The following PAPPA2 variants were observed in gnomAD, a reference collection of about 807,000 sequenced individuals.
PAPPA2 encodes the protein pappalysin-2.
Under a neutral mutation model 176.4 loss-of-function variants are expected in PAPPA2, and 86 were observed. That is an observed-to-expected ratio of 0.49 (90% CI 0.41 to 0.58). PAPPA2 has a LOEUF of 0.58. Ranked by LOEUF, PAPPA2 falls within the 20% of genes least tolerant of loss-of-function variation. The pLI, the probability that PAPPA2 is intolerant of heterozygous loss-of-function variation, is 0.00. For synonymous variants in PAPPA2, 809 were observed against 852.2 expected (o/e 0.95, Z 0.88); for missense variants, 2,073 against 2,256.9 (o/e 0.92, Z 1.65).
chr1:176,538,627 TCA>T (rs60974454), intron 1 of PAPPA2, among the ~76,000 whole-genome samples: 16,340 of 152,192 alleles, frequency 0.11, 912 homozygotes, highest in Middle Eastern at 0.18. Context: ...TTTGTTTCTC[TCA>T]GTTTTCTTCA....
intron 1 of PAPPA2, among the ~76,000 whole-genome samples, chr1:176,547,750 A>G (rs1415811278): frequency 1.3e-5 from 2 of 152,198 alleles, no homozygotes; most frequent in East Asian, 3.8e-4. Context: ...AGCAGTATCC[A>G]TCTCTCAGTT....
intron 17 of PAPPA2, among the ~76,000 whole-genome samples, chr1:176,779,539 GA>G (rs1664623220): frequency 6.6e-6 from 1 of 151,726 alleles, no homozygotes; most frequent in Non-Finnish European, 1.5e-5. Flanking sequence ...GAGAGAGAGA[GA>G]GGAGTGTGGC....
At chr1:176,532,549 G>A (rs778330104) in intron 1 of PAPPA2, among the ~76,000 whole-genome samples, 2 of 152,212 alleles carry the variant, frequency 1.3e-5, no homozygotes, top group Admixed American at 6.5e-5. Flanking sequence ...CCTTCTGGCC[G>A]TGGGTAACAA....
chr1:176,755,967 A>G (rs772413034), intron 14 of PAPPA2, among the ~76,000 whole-genome samples: 1 of 152,144 alleles, frequency 6.6e-6, no homozygotes, highest in Non-Finnish European at 1.5e-5. Flanking sequence ...ACAAATTATT[A>G]TTATTATTAT....
intron 1 of PAPPA2, among the ~76,000 whole-genome samples, chr1:176,478,007 A>G (rs899866546): frequency 2.4e-4 from 37 of 152,274 alleles, no homozygotes; most frequent in African/African-American, 8.9e-4. Context: ...TGGAGGTTCA[A>G]TAAGTAGCTG....
chr1:176,797,174 T>A (rs1036227041), intron 20 of PAPPA2, among the ~76,000 whole-genome samples: 1 of 152,130 alleles, frequency 6.6e-6, no homozygotes, highest in African/African-American at 2.4e-5. Context: ...TTGTTACCAA[T>A]AGGGAGGAAG....
chr1:176,692,224 A>G lies in PAPPA2; in HGVS notation c.2530A>G (p.Thr844Ala). 6.2e-7 allele frequency: 1 copy of G among 1,613,712 alleles called. No homozygotes were observed. Among genetic ancestry groups the G allele is most frequent in the Middle Eastern group, 1.7e-4 (1 of 6,060 alleles). The change falls in exon 6 of 23, where the codon ACC (threonine) becomes GCC (alanine). Residue 844 changes from threonine (T) to alanine (A), a missense_variant. This residue lies in a region of PAPPA2 where 1,196 missense variants were observed against 1,330.4 expected (regional missense o/e 0.90). Transcript: ENST00000367662. ...YQQWTESRKP[T>A]PIPIPPMVIG... ...GCAGTGGACTGAAAGCAGAAAGCCCACCCCCATCCCCATTCCACCTATGGT... is the reference window on the plus strand; with the variant it reads ...GCAGTGGACTGAAAGCAGAAAGCCCGCCCCCATCCCCATTCCACCTATGGT...
intron 22 of PAPPA2, among the ~76,000 whole-genome samples, chr1:176,841,613 G>A (rs1667491251): frequency 6.6e-6 from 1 of 152,066 alleles, no homozygotes; most frequent in Non-Finnish European, 1.5e-5. Context: ...TCTGATGCTA[G>A]TTATGGATGT....
intron 18 of PAPPA2, 57 bp from the exon 19 acceptor site, chr1:176,791,290 C>T: frequency 7.7e-7 from 1 of 1,307,132 alleles, no homozygotes; most frequent in South Asian, 1.3e-5. Context: ...CCACTTTTTT[C>T]AACTCTCAAT....
At chr1:176,823,238 T>C (rs114445351) in intron 21 of PAPPA2, among the ~76,000 whole-genome samples, 2 of 152,376 alleles carry the variant, frequency 1.3e-5, no homozygotes, top group African/African-American at 4.8e-5. Flanking sequence ...TACTACTGTC[T>C]GTATTAGTCA....
chr1:176,500,821 G>T (rs1041766120), intron 1 of PAPPA2, among the ~76,000 whole-genome samples: 6 of 151,246 alleles, frequency 4.0e-5, no homozygotes, highest in Non-Finnish European at 8.8e-5. Context: ...TACTGTTGAC[G>T]TCATGGCTGA....
At chr1:176,623,683 T>TTC (rs1232403745) in intron 3 of PAPPA2, among the ~76,000 whole-genome samples, 17 of 146,992 alleles carry the variant, frequency 1.2e-4, no homozygotes, top group Non-Finnish European at 2.2e-4. Flanking sequence ...CTTTCTTTCT[T>TTC]TCTCTCTCTC....
At chr1:176,771,544 G>A (rs1157990497) in intron 17 of PAPPA2, among the ~76,000 whole-genome samples, 1 of 152,182 alleles carries the variant, frequency 6.6e-6, no homozygotes, top group Admixed American at 6.5e-5. Context: ...TGGATATTGG[G>A]AAGTTTCCTT....
At chr1:176,793,818 T>A (rs1304137095) in intron 20 of PAPPA2, 149 bp downstream of exon 20, 1 of 590,212 alleles carries the variant, frequency 1.7e-6, no homozygotes. Flanking sequence ...GGATTAAACA[T>A]TGAAAAGAAA....
At chr1:176,529,562 G>A (rs940149508) in intron 1 of PAPPA2, among the ~76,000 whole-genome samples, 2 of 152,076 alleles carry the variant, frequency 1.3e-5, no homozygotes, top group Non-Finnish European at 2.9e-5. Context: ...GGGAAGGAGA[G>A]CACCTATTAG....
At chr1:176,804,679 G>A (rs1665822293) in intron 21 of PAPPA2, among the ~76,000 whole-genome samples, 1 of 152,042 alleles carries the variant, frequency 6.6e-6, no homozygotes, top group Admixed American at 6.6e-5. Flanking sequence ...TTTCCTGTTT[G>A]TCTGCTTTAT....
intron 1 of PAPPA2, among the ~76,000 whole-genome samples, chr1:176,472,172 C>T (rs1651907801): frequency 6.6e-6 from 1 of 152,172 alleles, no homozygotes; most frequent in South Asian, 2.1e-4. Context: ...GTTAACAATT[C>T]ATATAGGAAA....
At chr1:176,617,731 A>C (rs1655352743) in intron 3 of PAPPA2, among the ~76,000 whole-genome samples, 1 of 152,004 alleles carries the variant, frequency 6.6e-6, no homozygotes. Flanking sequence ...TTGCAATTGC[A>C]AATTGTGCTG....
intron 17 of PAPPA2, 125 bp downstream of exon 17, chr1:176,771,305 C>T (rs764807242): frequency 1.2e-5 from 10 of 845,380 alleles, no homozygotes; most frequent in Non-Finnish European, 1.9e-5. Flanking sequence ...AGGCAACCTG[C>T]TGTGCTTTCT....
Sources: allele counts gnomAD v4.1 joint callset (sites outside exome capture counted in the v4.1 genomes callset), GRCh38; gene constraint gnomAD v4.1.1; regional missense constraint gnomAD v4.1.1; transcripts MANE v1.5; gene names NCBI Gene and HGNC (gene_info 2026-07-23, HGNC 2026-07-21).